ASIC5: variants seen among roughly 807,000 people sequenced by gnomAD.
ASIC5 encodes acid sensing ion channel subunit family member 5.
ASIC5 carries 52 observed loss-of-function variants against 51.2 expected under a neutral mutation model. The ratio of observed to expected loss-of-function variants is 1.02; its 90% CI spans 0.81 to 1.28. The LOEUF (loss-of-function observed/expected upper bound fraction) is 1.28. ASIC5 is among the 50% of genes most tolerant of loss of function. The probability of loss-of-function intolerance (pLI) is 0.00; values close to 1 mark genes in which losing one functional copy is unlikely to be tolerated. For missense variants in ASIC5, 635 were observed against 595.0 expected (o/e 1.07, Z -0.70); for synonymous variants, 231 against 200.7 (o/e 1.15, Z -1.28).
chr4:155,833,800 G>A (rs888770850), intron 8 of ASIC5, among the ~76,000 whole-genome samples: 1 of 152,146 alleles, frequency 6.6e-6, no homozygotes, highest in Non-Finnish European at 1.5e-5. Context: ...CTTCTCTCAG[G>A]CAGTTGTTTT....
Position 155,840,951 on chromosome 4 carries a change from C to A in ASIC5, c.1009+1256G>T, listed in dbSNP as rs186441052. Among the ~76,000 whole-genome samples the A allele has an allele frequency of 1.1e-3, 173 of 151,844 alleles. 2 individuals carry two copies. The highest frequency in any genetic ancestry group is 3.8e-3 in the African/African-American group (157 of 41,432). Reference sequence around the variant, plus strand: ...GACCCCTACCCAGGAATTGACTCAGCGCAAAAAGACAGCTTCAACTCCACA... The same window carrying A: ...GACCCCTACCCAGGAATTGACTCAGAGCAAAAAGACAGCTTCAACTCCACA... On this transcript the variant is annotated intron_variant, in intron 6 of 9. Transcript: ENST00000537611.
chr4:155,836,689 C>G lies in ASIC5; in HGVS notation c.1235G>C (p.Arg412Thr), dbSNP rs2111229003. Residue 412 changes from arginine to threonine, a missense_variant and splice_region_variant, in exon 8 of 10, where the codon AGG (arginine) becomes ACG (threonine). Arg to Thr is a moderately conservative substitution (Grantham distance 71, BLOSUM62 -1). Transcript: ENST00000537611. ...TAATTTAAAAGGCTAGTAAGGTTAC[C>G]TGATGTATTTCCGGCTTTGATTCAA... ...KKLNQSRKYI[R>T]ENLVKIEINY... 6.3e-7 allele frequency: 1 copy of G among 1,595,572 alleles called. No individual in the cohort carries two copies. Among genetic ancestry groups the G allele is most frequent in the Non-Finnish European group, 8.6e-7 (1 of 1,166,438 alleles).
chr4:155,837,120 ATCTGGG>A (rs1741001097), intron 7 of ASIC5, among the ~76,000 whole-genome samples: 1 of 17,564 alleles, frequency 5.7e-5, no homozygotes, highest in Non-Finnish European at 1.5e-4. Context: ...TTCAGGAAGT[ATCTGGG>A]TCTATTTCTG....
At chr4:155,850,110 T>A (rs1273169983) in intron 4 of ASIC5, among the ~76,000 whole-genome samples, 1 of 126,742 alleles carries the variant, frequency 7.9e-6, no homozygotes, top group East Asian at 2.2e-4. Flanking sequence ...CTCCTAAAGA[T>A]TTTTTTTTTA....
At chr4:155,844,133 G>A (rs1042659246) in intron 4 of ASIC5, among the ~76,000 whole-genome samples, 1 of 152,034 alleles carries the variant, frequency 6.6e-6, no homozygotes, top group African/African-American at 2.4e-5. Flanking sequence ...AAGGGATCCT[G>A]AGTGAAGCTG....
In ASIC5 at chr4:155,854,279, AT is replaced by A; in HGVS notation, c.382del (p.Ile128PhefsTer95). 1 of 1,613,024 alleles carries A rather than the reference AT, an allele frequency of 6.2e-7. No homozygotes were observed. Among genetic ancestry groups the A allele is most frequent in the East Asian group, 2.2e-5 (1 of 44,812 alleles). On this transcript the variant is annotated frameshift_variant, in exon 3 of 10. Coordinates refer to ENST00000537611, the MANE Select transcript of ASIC5 (RefSeq NM_017419.3). LOFTEE classifies it high-confidence loss of function. ...GGATACAATGTGCCATAAGAAAAAA[AT>A]AACACCAAATTTGGCTACAGCATCT... Reference protein sequence around the residue: ...QTDAVAKFGVIFFLWHIVSKV... With the variant: ...QTDAVAKFGVXFFLWHIVSKV...
Position 155,829,961 on chromosome 4 carries a change from G to T in ASIC5, c.1413C>A (p.Phe471Leu). 1.9e-6 allele frequency: 3 copies of T among 1,603,578 alleles called. No individual in the cohort carries two copies. Among genetic ancestry groups the T allele is most frequent in the Non-Finnish European group, 2.6e-6 (3 of 1,174,990 alleles). ...GCAAAAAGAAAATGCATATCCAGTA[G>T]AAATTGGTGAATAGATATTCAATAA... ...IEIIEYLFTNFYWICIFFLLK... is the reference protein window; with the variant it reads ...IEIIEYLFTNLYWICIFFLLK... Residue 471 changes from phenylalanine (F) to leucine (L), a missense_variant, in exon 10 of 10, where the codon TTC (phenylalanine) becomes TTA (leucine). By Grantham distance (22) the Phe-to-Leu change is conservative (BLOSUM62 0). Transcript: ENST00000537611.
intron 8 of ASIC5, among the ~76,000 whole-genome samples, chr4:155,833,001 C>T (rs568320057): frequency 1.3e-5 from 2 of 152,178 alleles, no homozygotes; most frequent in Non-Finnish European, 2.9e-5. Context: ...TGCTGCCACT[C>T]TCTCACAGCA....
intron 2 of ASIC5, among the ~76,000 whole-genome samples, chr4:155,858,544 G>A (rs139320965): frequency 0.014 from 2,063 of 152,132 alleles, 149 homozygotes; most frequent in Admixed American, 0.12. Flanking sequence ...AATCATTTTA[G>A]AGGTTTATTT....
intron 4 of ASIC5, among the ~76,000 whole-genome samples, chr4:155,851,888 A>T (rs1741389720): frequency 6.6e-6 from 1 of 152,038 alleles, no homozygotes; most frequent in African/African-American, 2.4e-5. Context: ...TTCTCTTAAA[A>T]TAGCTACATA....
At chr4:155,861,771 C>G (rs1380812911) in intron 2 of ASIC5, among the ~76,000 whole-genome samples, 2 of 151,930 alleles carry the variant, frequency 1.3e-5, no homozygotes, top group Non-Finnish European at 2.9e-5. Flanking sequence ...GTGGCAAAAC[C>G]TTATCAATTT....
intron 2 of ASIC5, among the ~76,000 whole-genome samples, chr4:155,859,169 A>G (rs766491797): frequency 3.8e-4 from 58 of 152,004 alleles, no homozygotes; most frequent in Non-Finnish European, 5.9e-4. Flanking sequence ...TGGCATCGTG[A>G]GTTGGGGGTC....
intron 2 of ASIC5, 22 bp downstream of exon 2, chr4:155,863,425 AT>A: frequency 1.3e-6 from 2 of 1,563,400 alleles, no homozygotes; most frequent in South Asian, 1.2e-5. Flanking sequence ...GGAACTAATT[AT>A]TTTTAAAAAA....
intron 6 of ASIC5, 61 bp from the exon 7 acceptor site, chr4:155,838,930 G>T: frequency 1.1e-6 from 1 of 901,408 alleles, no homozygotes; most frequent in South Asian, 1.6e-5. Flanking sequence ...GTGATCTAAT[G>T]ACAAAAATAC....
Position 155,846,331 on chromosome 4 carries a change from A to G in ASIC5, c.712-2501T>C, listed in dbSNP as rs540626458. On this transcript the variant is annotated intron_variant, in intron 4 of 9. Coordinates refer to ENST00000537611, the MANE Select transcript of ASIC5 (RefSeq NM_017419.3). Reference sequence around the variant, plus strand: ...TGGCATAGAGATTACAAAACTGTAAACCCAGCCCCAAACAGAATGATCATT... The same window carrying G: ...TGGCATAGAGATTACAAAACTGTAAGCCCAGCCCCAAACAGAATGATCATT... Among the ~76,000 whole-genome samples, 8 of 152,258 alleles carry G rather than the reference A, an allele frequency of 5.3e-5. No individual in the cohort carries two copies. The East Asian group carries it at 1.5e-3, about 29-fold the overall frequency.
intron 3 of ASIC5, 72 bp from the exon 4 acceptor site, chr4:155,852,388 CTTT>C: frequency 7.1e-7 from 1 of 1,399,658 alleles, no homozygotes; most frequent in Non-Finnish European, 9.7e-7. Context: ...TTGCCATAAC[CTTT>C]TTTTTTAAAG....
chr4:155,863,621 G>T lies in ASIC5; in HGVS notation c.174C>A (p.Ser58Arg). ...HGIHNIVQNR[S>R]KIRRVLWLVV... is the part of the protein sequence containing the mutation. Reference sequence around the variant, plus strand: ...CCAACCAGAGCACCCTGCGAATTTTGCTCCGGTTCTGAACAATATTGTGTA... The same window carrying T: ...CCAACCAGAGCACCCTGCGAATTTTTCTCCGGTTCTGAACAATATTGTGTA... Residue 58 changes from serine (S) to arginine (R), a missense_variant, in exon 2 of 10, where the codon AGC becomes AGA. Transcript: ENST00000537611. The T allele has an allele frequency of 6.2e-7, 1 of 1,613,762 alleles. No homozygotes were observed.
chr4:155,845,693 C>T (rs796068935), intron 4 of ASIC5, among the ~76,000 whole-genome samples: 5 of 152,024 alleles, frequency 3.3e-5, no homozygotes, highest in African/African-American at 1.2e-4. Context: ...GATTGGTCTC[C>T]TTATACAATA....
chr4:155,835,592 G>A (rs1448132030), intron 8 of ASIC5, among the ~76,000 whole-genome samples: 2 of 152,076 alleles, frequency 1.3e-5, no homozygotes, highest in Non-Finnish European at 2.9e-5. Context: ...GCTCTTCTAA[G>A]TCATATTTAA....
Sources: gnomAD v4.1 joint callset for allele counts (sites outside exome capture counted in the v4.1 genomes callset) on GRCh38, gnomAD v4.1.1 for gene constraint, MANE v1.5 for transcripts, NCBI Gene and HGNC (gene_info 2026-07-23, HGNC 2026-07-21) for gene names.